Variants in STRN3 observed in about 807,000 individuals in gnomAD.
The protein encoded by STRN3 is striatin 3, also known as striatin-3.
STRN3 carries 29 observed loss-of-function variants against 95.6 expected under a neutral mutation model. The observed-to-expected ratio is 0.30, with a 90% CI of 0.23 to 0.41. The LOEUF is 0.41. Among genes scored for constraint, STRN3 ranks in the 10% least tolerant of loss-of-function variants. The pLI is 1.00. For synonymous variants in STRN3, 331 were observed against 357.6 expected (o/e 0.93, Z 0.84); for missense variants, 890 against 972.1 (o/e 0.92, Z 1.12).
chr14:30,911,537 A>AGGT (rs1364487186), intron 12 of STRN3, among the ~76,000 whole-genome samples: 5 of 152,068 alleles, frequency 3.3e-5, no homozygotes, highest in African/African-American at 9.6e-5. Flanking sequence ...TCCTGACCTC[A>AGGT]AGTGATCTGC....
At chr14:30,953,260 A>T (rs1377610117) in intron 3 of STRN3, among the ~76,000 whole-genome samples, 2 of 152,200 alleles carry the variant, frequency 1.3e-5, no homozygotes, top group Non-Finnish European at 2.9e-5. Context: ...AAGAAACAAA[A>T]CATTATCAGC....
rs1883879886 is a variant in STRN3, at chr14:31,026,061, C to T, written c.125G>A (p.Gly42Asp). ...ACCCGCTCCCTCGGAGGCCGGAGGA[C>T]CCCCGCCGCCCGCCGCTCCGTTCCC... is the stretch of plus-strand genomic sequence containing the variant. ...PGGNGAAGGG[G>D]PPASEGAGPA... The change falls in exon 1 of 18, where the codon GGT (glycine) becomes GAT (aspartate). Residue 42 changes from glycine to aspartate, a missense_variant. Physicochemically the swap from Gly to Asp is moderately conservative, Grantham distance 94 (BLOSUM62 -1). Transcript: ENST00000357479. 2.0e-6 allele frequency: 3 copies of T among 1,524,546 alleles called. No individual in the cohort carries two copies. The highest frequency in any genetic ancestry group is 1.4e-5 in the African/African-American group (1 of 70,656). The allele number at this position is 1,524,546 out of a possible 1,614,324, so 94.4% of individuals were successfully genotyped here.
chr14:30,999,194 T>G (rs1023029682), intron 1 of STRN3, among the ~76,000 whole-genome samples: 1 of 152,076 alleles, frequency 6.6e-6, no homozygotes, highest in Non-Finnish European at 1.5e-5. Context: ...CAGGTGCATG[T>G]GCCACCATGC....
chr14:31,005,892 T>A (rs1882686586), intron 1 of STRN3, among the ~76,000 whole-genome samples: 1 of 151,326 alleles, frequency 6.6e-6, no homozygotes, highest in Non-Finnish European at 1.5e-5. Context: ...CCAAAGCGGG[T>A]GGATCACTTG....
intron 1 of STRN3, among the ~76,000 whole-genome samples, chr14:31,022,937 T>G (rs1883570395): frequency 6.6e-6 from 1 of 152,184 alleles, no homozygotes; most frequent in South Asian, 2.1e-4. Context: ...TAGTAGGAGA[T>G]ATTTTGCTTA....
intron 16 of STRN3, among the ~76,000 whole-genome samples, chr14:30,899,308 T>C (rs1896241934): frequency 6.6e-6 from 1 of 152,238 alleles, no homozygotes; most frequent in South Asian, 2.1e-4. Context: ...TTTGTAACTC[T>C]ACCAAAATTT....
intron 1 of STRN3, among the ~76,000 whole-genome samples, chr14:31,024,728 A>G (rs539297799): frequency 1.9e-4 from 29 of 152,270 alleles, no homozygotes; most frequent in African/African-American, 6.7e-4. Flanking sequence ...TTGCCTAACG[A>G]TTCACCATAG....
intron 1 of STRN3, among the ~76,000 whole-genome samples, chr14:30,970,281 G>C (rs1880758736): frequency 6.6e-6 from 1 of 152,114 alleles, no homozygotes; most frequent in Non-Finnish European, 1.5e-5. Context: ...TTTTAATCCA[G>C]GGAGATTTCG....
chr14:31,002,598 G>A (rs902536281), intron 1 of STRN3, among the ~76,000 whole-genome samples: 29 of 150,182 alleles, frequency 1.9e-4, no homozygotes, highest in Non-Finnish European at 3.2e-4. Flanking sequence ...CCAAGATCAC[G>A]CCACTGCACT....
rs564280911 is a variant in STRN3, at chr14:30,932,558, C to T, written c.988+2605G>A. The stretch of plus-strand genomic sequence containing the variant: ...TAAAATGTTTTAAAGATAATATTTC[C>T]GTCTCGTCTGGAAGTAAGGGACCTT... On this transcript the variant is annotated intron_variant, in intron 7 of 17. Transcript: ENST00000357479. Among the ~76,000 whole-genome samples, 11 of 152,218 alleles carry T rather than the reference C, an allele frequency of 7.2e-5. No homozygotes were observed. The South Asian group carries it at 1.0e-3, about 14-fold the overall frequency.
intron 1 of STRN3, among the ~76,000 whole-genome samples, chr14:30,973,018 C>G (rs1884057): frequency 0.64 from 96,719 of 152,092 alleles, 31,738 homozygotes; most frequent in Non-Finnish European, 0.73. Flanking sequence ...AGATCAGCCT[C>G]GCCAACATGG....
intron 1 of STRN3, among the ~76,000 whole-genome samples, chr14:30,991,924 C>CT (rs1368146976): frequency 7.0e-5 from 6 of 85,506 alleles, no homozygotes; most frequent in Non-Finnish European, 1.5e-4. Context: ...CTTCTCTATT[C>CT]TTTAAAAAAA....
intron 14 of STRN3, 50 bp from the exon 15 acceptor site, chr14:30,905,608 A>G (rs1325304342): frequency 6.5e-7 from 1 of 1,540,560 alleles, no homozygotes; most frequent in South Asian, 1.3e-5. Context: ...AATTACTATG[A>G]AATCTCTACT....
At chr14:30,905,281 AT>A (rs1431641426) in intron 15 of STRN3, 136 bp downstream of exon 15, 1 of 944,206 alleles carries the variant, frequency 1.1e-6, no homozygotes, top group African/African-American at 1.7e-5. Context: ...ATAAATAAGT[AT>A]AACTGTAACA....
Position 31,024,923 on chromosome 14 carries a change from A to G in STRN3, c.282+981T>C, listed in dbSNP as rs74042112. ...ATAACCCTTTCAAAAAGATGCAGCA[A>G]TTTTGAGATCCAGGACATGAGCTGT... is the stretch of plus-strand genomic sequence containing the variant. On this transcript the variant is annotated intron_variant, in intron 1 of 17. Transcript: ENST00000357479. Among the ~76,000 whole-genome samples, 785 of 152,346 alleles carry G rather than the reference A, an allele frequency of 5.2e-3. 3 individuals are homozygous for G. Among genetic ancestry groups the G allele is most frequent in the African/African-American group, 0.018 (728 of 41,580 alleles).
At chr14:30,963,128 C>T (rs961212863) in intron 1 of STRN3, among the ~76,000 whole-genome samples, 9 of 152,176 alleles carry the variant, frequency 5.9e-5, no homozygotes, top group African/African-American at 2.2e-4. Context: ...TAAACACACA[C>T]ACACCTAGTA....
intron 1 of STRN3, among the ~76,000 whole-genome samples, chr14:30,995,979 C>A (rs997543058): frequency 2.0e-5 from 3 of 152,184 alleles, no homozygotes; most frequent in Non-Finnish European, 4.4e-5. Context: ...AACCTCTAGC[C>A]CTTACGCCCA....
chr14:30,957,173 G>A (rs908959828), intron 1 of STRN3, among the ~76,000 whole-genome samples: 1 of 149,074 alleles, frequency 6.7e-6, no homozygotes, highest in East Asian at 2.0e-4. Flanking sequence ...AAAAAAGAGG[G>A]GCCGAGCGCG....
chr14:30,908,141 CTGTAA>C lies in STRN3; in HGVS notation c.1721-1102_1721-1098del, dbSNP rs146424778. Reference sequence around the variant, plus strand: ...GCTAATACCAGATGTCACTAACTTGCTGTAATGTTTACTGCTTCTCTACTACACAA... The same window carrying C: ...GCTAATACCAGATGTCACTAACTTGCTGTTTACTGCTTCTCTACTACACAA... On this transcript the variant is annotated intron_variant, in intron 13 of 17. Transcript: ENST00000357479. Among the ~76,000 whole-genome samples, 1,333 of 152,256 alleles carry C rather than the reference CTGTAA, an allele frequency of 8.8e-3. 16 individuals are homozygous for C. The highest frequency in any genetic ancestry group is 0.031 in the African/African-American group (1,284 of 41,538).
Sources: gnomAD v4.1 joint callset for allele counts (sites outside exome capture counted in the v4.1 genomes callset) on GRCh38, gnomAD v4.1.1 for gene constraint, MANE v1.5 for transcripts, NCBI Gene and HGNC (gene_info 2026-07-23, HGNC 2026-07-21) for gene names.